ABLIM1: variants seen among roughly 807,000 people sequenced by gnomAD.
ABLIM1 encodes the protein actin binding LIM protein 1.
In ABLIM1, 40 loss-of-function variants were observed where a neutral mutation model predicts 107.0. The observed-to-expected ratio is 0.37, with a 90% CI of 0.29 to 0.49. The LOEUF is 0.49. Ranked by LOEUF, ABLIM1 falls within the 20% of genes least tolerant of loss-of-function variation. The pLI, the probability that ABLIM1 is intolerant of heterozygous loss-of-function variation, is 0.97. For missense variants in ABLIM1, 857 were observed against 1,008.5 expected (o/e 0.85, Z 2.04); for synonymous variants, 357 against 357.3 (o/e 1.00, Z 0.01).
At chr10:114,650,381 C>T (rs533580218) in intron 1 of ABLIM1, among the ~76,000 whole-genome samples, 2 of 152,234 alleles carry the variant, frequency 1.3e-5, no homozygotes, top group African/African-American at 4.8e-5. Flanking sequence ...TAAAACAATG[C>T]CAAACAATAA....
upstream of ABLIM1, among the ~76,000 whole-genome samples, chr10:114,662,227 T>C (rs2079824996): frequency 6.6e-6 from 1 of 152,190 alleles, no homozygotes; most frequent in Non-Finnish European, 1.5e-5. Context: ...ATGGGGTTAC[T>C]TTTCATTTTT....
chr10:114,740,931 G>T (rs941073816), intron 1 of ABLIM1, among the ~76,000 whole-genome samples: 2 of 151,388 alleles, frequency 1.3e-5, no homozygotes, highest in African/African-American at 4.8e-5. Context: ...CTCTCAGGAG[G>T]ATGAGGCAGG....
At chr10:114,727,206 C>A (rs2081978365) in intron 1 of ABLIM1, among the ~76,000 whole-genome samples, 1 of 152,150 alleles carries the variant, frequency 6.6e-6, no homozygotes, top group Non-Finnish European at 1.5e-5. Context: ...CCAAAACAAA[C>A]AAATGCTTAA....
intron 1 of ABLIM1, among the ~76,000 whole-genome samples, chr10:114,767,169 G>A (rs762735316): frequency 4.5e-4 from 68 of 152,008 alleles, no homozygotes; most frequent in Non-Finnish European, 8.1e-4. Flanking sequence ...CCAAAAAGCA[G>A]GATTAAAGCT....
intron 6 of ABLIM1, among the ~76,000 whole-genome samples, chr10:114,530,525 A>ATATTTATT (rs568405852): frequency 6.6e-6 from 1 of 152,056 alleles, no homozygotes. Context: ...AGTGAAATAA[A>ATATTTATT]TATTTATTTA....
At chr10:114,714,817 G>T (rs950839242) in intron 1 of ABLIM1, among the ~76,000 whole-genome samples, 1 of 152,162 alleles carries the variant, frequency 6.6e-6, no homozygotes, top group African/African-American at 2.4e-5. Context: ...AAGAAGTAAA[G>T]AAATTGACCC....
At chr10:114,672,360 C>A (rs1171834924) in intron 1 of ABLIM1, among the ~76,000 whole-genome samples, 1 of 151,988 alleles carries the variant, frequency 6.6e-6, no homozygotes, top group East Asian at 1.9e-4. Context: ...GCCACCATGC[C>A]CAGCTAATTT....
At chr10:114,642,587 T>C (rs867770849) in intron 1 of ABLIM1, among the ~76,000 whole-genome samples, 1 of 152,156 alleles carries the variant, frequency 6.6e-6, no homozygotes, top group African/African-American at 2.4e-5. Flanking sequence ...TTTAAATGTA[T>C]ATCCTAGAAG....
At chr10:114,575,380 G>C (rs1272903008) in intron 3 of ABLIM1, 36 bp downstream of exon 3, 1 of 1,600,552 alleles carries the variant, frequency 6.2e-7, no homozygotes, top group Non-Finnish European at 8.5e-7. Context: ...CTCTGTTGGA[G>C]GAAGGTGTAG....
At chr10:114,650,996 A>G (rs2141084184) in intron 1 of ABLIM1, among the ~76,000 whole-genome samples, 1 of 152,324 alleles carries the variant, frequency 6.6e-6, no homozygotes, top group South Asian at 2.1e-4. Flanking sequence ...GGACATATTA[A>G]GTCACTTGCC....
intron 4 of ABLIM1, among the ~76,000 whole-genome samples, chr10:114,555,635 G>A (rs7908408): frequency 0.013 from 1,941 of 152,222 alleles, 50 homozygotes; most frequent in African/African-American, 0.045. Flanking sequence ...AAAAACTAGG[G>A]AGAAACTTTA....
intron 1 of ABLIM1, among the ~76,000 whole-genome samples, chr10:114,766,518 A>G (rs1323272977): frequency 6.6e-6 from 1 of 152,150 alleles, no homozygotes; most frequent in Admixed American, 6.5e-5. Flanking sequence ...AGACCCTGGA[A>G]TAGGAGGGGC....
chr10:114,654,660 A>G (rs1324423024), intron 1 of ABLIM1, among the ~76,000 whole-genome samples: 1 of 152,174 alleles, frequency 6.6e-6, no homozygotes, highest in South Asian at 2.1e-4. Flanking sequence ...GACACACGCA[A>G]GCAGGGCCCC....
the ABLIM1 span, among the ~76,000 whole-genome samples, chr10:114,788,479 G>C: frequency 6.6e-6 from 1 of 150,780 alleles, no homozygotes; most frequent in Non-Finnish European, 1.5e-5. Context: ...TGTAATCCCA[G>C]CACTTTTGGA....
intron 1 of ABLIM1, among the ~76,000 whole-genome samples, chr10:114,681,155 G>T (rs570148010): frequency 2.6e-5 from 4 of 152,202 alleles, no homozygotes; most frequent in Non-Finnish European, 4.4e-5. Flanking sequence ...TATGGAAAAT[G>T]GGGCTACCAG....
intron 2 of ABLIM1, among the ~76,000 whole-genome samples, chr10:114,580,300 G>A (rs1251648537): frequency 1.3e-5 from 2 of 151,790 alleles, no homozygotes; most frequent in Non-Finnish European, 2.9e-5. Context: ...TTCAACTCCT[G>A]GGTGCAAGAA....
chr10:114,652,180 T>G lies in ABLIM1; in HGVS notation c.244+5777A>C, dbSNP rs370676343. Among the ~76,000 whole-genome samples the G allele has an allele frequency of 1.1e-4, 16 of 152,296 alleles. No homozygotes were observed. The East Asian group carries it at 2.5e-3, about 24-fold the overall frequency. On this transcript the variant is annotated intron_variant, in intron 1 of 22. Transcript: ENST00000533213. ...CAGACTCTCAATGTTACCAGGAAGA[T>G]GCTATAGAAAAGCTCCACAGCATCT...
intron 4 of ABLIM1, among the ~76,000 whole-genome samples, chr10:114,552,569 G>GA (rs992295907): frequency 7.9e-5 from 12 of 151,218 alleles, no homozygotes; most frequent in African/African-American, 2.9e-4. Flanking sequence ...TCAAAAGCCA[G>GA]AAAAAAGCAG....
chr10:114,489,294 G>A (rs1360680347), intron 7 of ABLIM1, among the ~76,000 whole-genome samples: 1 of 152,152 alleles, frequency 6.6e-6, no homozygotes, highest in Non-Finnish European at 1.5e-5. Flanking sequence ...TGAGATTACA[G>A]GCGTGAGCCA....
Sources: allele counts gnomAD v4.1 joint callset (sites outside exome capture counted in the v4.1 genomes callset), GRCh38; gene constraint gnomAD v4.1.1; transcripts MANE v1.5; gene names NCBI Gene and HGNC (gene_info 2026-07-23, HGNC 2026-07-21).